The following GOLM1 variants were observed in gnomAD, a reference collection of about 807,000 sequenced individuals.
GOLM1 encodes the protein epididymis luminal protein 46.
GOLM1 carries 31 observed loss-of-function variants against 50.5 expected under a neutral mutation model. The observed-to-expected ratio is 0.61, with a 90% CI of 0.46 to 0.83. The LOEUF (loss-of-function observed/expected upper bound fraction) is 0.83, where lower values mean the gene tolerates loss of function less well. Ranked by LOEUF, GOLM1 falls within the 40% of genes least tolerant of loss-of-function variation. The pLI is 0.00. For synonymous variants in GOLM1, 178 were observed against 192.8 expected (o/e 0.92, Z 0.64); for missense variants, 491 against 501.3 (o/e 0.98, Z 0.20).
intron 3 of GOLM1, among the ~76,000 whole-genome samples, chr9:86,058,827 T>C (rs547096182): frequency 6.6e-6 from 1 of 151,110 alleles, no homozygotes; most frequent in East Asian, 2.0e-4. Flanking sequence ...CAAAACCCCA[T>C]CTCTACTAAA....
At chr9:86,087,455 T>C (rs1457756089) in intron 1 of GOLM1, among the ~76,000 whole-genome samples, 2 of 152,210 alleles carry the variant, frequency 1.3e-5, no homozygotes, top group African/African-American at 4.8e-5. Context: ...TTGATTGCCC[T>C]GGCCAGAACT....
chr9:86,087,116 C>G (rs1274552794), intron 1 of GOLM1, among the ~76,000 whole-genome samples: 3 of 152,246 alleles, frequency 2.0e-5, no homozygotes, highest in Non-Finnish European at 4.4e-5. Context: ...TTCGTGTCCT[C>G]TCTTACTTCC....
Position 86,026,881 on chromosome 9 carries a change from C to T in GOLM1, c.*936G>A, listed in dbSNP as rs961844326. 44 of 983,910 alleles carry T rather than the reference C, an allele frequency of 4.5e-5. No individual in the cohort carries two copies. Among genetic ancestry groups the T allele is most frequent in the Admixed American group, 6.2e-5 (1 of 16,242 alleles). The allele number at this position is 983,910 out of a possible 1,614,324, so 60.9% of individuals were successfully genotyped here. On this transcript the variant is annotated 3_prime_UTR_variant, in exon 10 of 10. Coordinates refer to ENST00000388712, the MANE Select transcript of GOLM1 (RefSeq NM_016548.4). The stretch of plus-strand genomic sequence containing the variant: ...CTGTTTTTCTAAACAGTCCTAATTT[C>T]TAACACTGTATATATCCTTCGACAT...
rs1232606850 is a variant in GOLM1 at position 86,027,434 on chromosome 9, T to A, written c.*383A>T. 1.8e-5 allele frequency: 18 copies of A among 1,020,060 alleles called. 1 individual carries two copies. In the East Asian group the frequency reaches 1.7e-3, roughly 99 times the overall value. 63.2% of individuals were successfully genotyped at this position (1,020,060 alleles called of 1,614,324 possible). On this transcript the variant is annotated 3_prime_UTR_variant, in exon 10 of 10. Coordinates refer to ENST00000388712, the MANE Select transcript of GOLM1 (RefSeq NM_016548.4). ...TGGACAGGACGACGGAACCCAGAGT[T>A]CTCTGTCTCTCCTTCACAGCAGATG... is the stretch of plus-strand genomic sequence containing the variant.
At chr9:86,090,511 C>T (rs1191927548) in intron 1 of GOLM1, among the ~76,000 whole-genome samples, 2 of 152,264 alleles carry the variant, frequency 1.3e-5, no homozygotes, top group East Asian at 3.9e-4. Context: ...CTACCCAGTT[C>T]GAACTGGCAG....
At chr9:86,099,235 G>A (rs2118926197) in intron 1 of GOLM1, among the ~76,000 whole-genome samples, 176 bp downstream of exon 1, 1 of 152,036 alleles carries the variant, frequency 6.6e-6, no homozygotes, top group South Asian at 2.1e-4. Context: ...GGTGCAGGAA[G>A]GTGCGGAGCC....
At position 86,026,161 on chromosome 9, in the gene GOLM1, AT is replaced by A. The variant is rs1411573813; in HGVS notation, c.*1655del. The A allele has an allele frequency of 1.0e-6, 1 of 984,422 alleles. No individual in the cohort carries two copies. The highest frequency in any genetic ancestry group is 1.2e-6 in the Non-Finnish European group (1 of 829,098). The allele number at this position is 984,422 out of a possible 1,614,324, so 61.0% of individuals were successfully genotyped here. A position where few individuals can be genotyped will look rare whatever the true frequency, so the allele number is the denominator to read the frequency against. ...ACAAGTTTTATAAGTTGAACAGAAC[AT>A]TTTATTTCTCAGCAATTCTATGCGT... On this transcript the variant is annotated 3_prime_UTR_variant, in exon 10 of 10. Coordinates refer to ENST00000388712, the MANE Select transcript of GOLM1 (RefSeq NM_016548.4).
At chr9:86,027,919 C>T in intron 9 of GOLM1, 26 bp from the exon 10 acceptor site, 1 of 1,368,698 alleles carries the variant, frequency 7.3e-7, no homozygotes. Flanking sequence ...ACATAATATT[C>T]TATAGAGTAT....
intron 3 of GOLM1, among the ~76,000 whole-genome samples, chr9:86,057,288 A>G (rs1416886042): frequency 6.6e-6 from 1 of 152,272 alleles, no homozygotes; most frequent in Non-Finnish European, 1.5e-5. Context: ...TTTTCAAAGC[A>G]ACAAATCTAC....
chr9:86,099,503 C>T lies in GOLM1; in HGVS notation c.-114G>A, dbSNP rs944283286. ...TCCCGCCGCCGCCGGCCTCGAGCTC[C>T]GGCCGGCTCCGCGCCGTGCGCCCAG... On this transcript the variant is annotated 5_prime_UTR_variant, in exon 1 of 10. Transcript: ENST00000388712. 32 of 150,038 alleles carry T rather than the reference C, an allele frequency of 2.1e-4. No individual in the cohort carries two copies. The highest frequency in any genetic ancestry group is 7.3e-4 in the African/African-American group (30 of 41,270). The allele number at this position is 150,038 out of a possible 1,614,324, so 9.3% of individuals were successfully genotyped here.
chr9:86,038,111 G>A (rs536704357), intron 6 of GOLM1, among the ~76,000 whole-genome samples: 35 of 148,932 alleles, frequency 2.4e-4, no homozygotes, highest in Non-Finnish European at 4.6e-4. Flanking sequence ...CCAAGATTGC[G>A]CCATTGCACT....
chr9:86,053,190 C>G (rs1298854711), intron 3 of GOLM1, among the ~76,000 whole-genome samples: 1 of 66,038 alleles, frequency 1.5e-5, no homozygotes, highest in African/African-American at 5.7e-5. Context: ...ACCACACCCA[C>G]CACTCCACAC....
intron 3 of GOLM1, among the ~76,000 whole-genome samples, chr9:86,074,232 A>AT (rs1269569146): frequency 5.8e-5 from 7 of 120,002 alleles, no homozygotes; most frequent in Admixed American, 1.6e-4. Context: ...ACCTTCTAAG[A>AT]TTTAAAAAAA....
chr9:86,032,293 G>T lies in GOLM1; in HGVS notation c.1129+989C>A, dbSNP rs7874889. 6.8e-3 allele frequency among the ~76,000 whole-genome samples: 1,033 copies of T among 152,036 alleles called. 4 individuals carry two copies. Among genetic ancestry groups the T allele is most frequent in the Middle Eastern group, 0.024 (7 of 294 alleles). On this transcript the variant is annotated intron_variant, in intron 9 of 9. Coordinates refer to ENST00000388712, the MANE Select transcript of GOLM1 (RefSeq NM_016548.4). ...AGCGATTCTCTTGCCTCAGCCTCCC[G>T]AGTAGCTGGGACTACAGGCGCCCAC...
At chr9:86,032,321 C>T (rs1303276458) in intron 9 of GOLM1, among the ~76,000 whole-genome samples, 10 of 152,116 alleles carry the variant, frequency 6.6e-5, no homozygotes, top group African/African-American at 2.4e-4. Context: ...GCGCCCACCA[C>T]CACGCCTGGC....
At chr9:86,047,088 G>A (rs2118703857) in intron 4 of GOLM1, among the ~76,000 whole-genome samples, 1 of 141,460 alleles carries the variant, frequency 7.1e-6, no homozygotes, top group East Asian at 4.8e-4. Context: ...TCACAGCCAA[G>A]CCACTCTCCA....
chr9:86,055,270 A>T lies in GOLM1; in HGVS notation c.310-2679T>A, dbSNP rs547860232. Among the ~76,000 whole-genome samples the T allele has an allele frequency of 7.9e-5, 12 of 152,330 alleles. No homozygotes were observed. The South Asian group carries it at 2.5e-3, about 32-fold the overall frequency. Reference sequence around the variant, plus strand: ...GGAAAGATAATCCGAAGGGGTGTGTACAGGTATGCTGTACATCAGGGATTT... The same window carrying T: ...GGAAAGATAATCCGAAGGGGTGTGTTCAGGTATGCTGTACATCAGGGATTT... On this transcript the variant is annotated intron_variant, in intron 3 of 9. Coordinates refer to ENST00000388712, the MANE Select transcript of GOLM1 (RefSeq NM_016548.4).
At chr9:86,028,810 C>G (rs943934721) in intron 9 of GOLM1, among the ~76,000 whole-genome samples, 1 of 152,112 alleles carries the variant, frequency 6.6e-6, no homozygotes, top group Non-Finnish European at 1.5e-5. Context: ...AGCCATACCC[C>G]CATTGCATGC....
chr9:86,043,534 T>A (rs1028904518), intron 5 of GOLM1, among the ~76,000 whole-genome samples: 12 of 152,216 alleles, frequency 7.9e-5, no homozygotes, highest in African/African-American at 2.7e-4. Context: ...GTTCGTACTT[T>A]TTATCAGATT....
Sources: gnomAD v4.1 joint callset for allele counts (sites outside exome capture counted in the v4.1 genomes callset) on GRCh38, gnomAD v4.1.1 for gene constraint, MANE v1.5 for transcripts, NCBI Gene and HGNC (gene_info 2026-07-23, HGNC 2026-07-21) for gene names.